Variants in PRAME observed in about 807,000 individuals in gnomAD.
PRAME encodes melanoma antigen preferentially expressed in tumors.
PRAME carries 21 observed loss-of-function variants against 32.1 expected under a neutral mutation model. The observed-to-expected ratio is 0.65, with a 90% CI of 0.46 to 0.94. The LOEUF is 0.94. Among genes scored for constraint, PRAME ranks in the 40% least tolerant of loss-of-function variants. The pLI, the probability that PRAME is intolerant of heterozygous loss-of-function variation, is 0.00. For missense variants in PRAME, 651 were observed against 622.3 expected, an observed-to-expected ratio of 1.05 and a Z score of -0.49; for synonymous variants, 274 against 251.5, an observed-to-expected ratio of 1.09 and a Z score of -0.85.
rs577790268 is a variant in PRAME, at chr22:22,547,981, T to C, written c.*86A>G. 7.3e-7 allele frequency: 1 copy of C among 1,362,732 alleles called. No individual in the cohort carries two copies. The highest frequency in any genetic ancestry group is 2.2e-5 in the Admixed American group (1 of 45,612). The allele number at this position is 1,362,732 out of a possible 1,614,324, so 84.4% of individuals were successfully genotyped here. On this transcript the variant is annotated 3_prime_UTR_variant, in exon 6 of 6. Transcript: ENST00000405655. The stretch of plus-strand genomic sequence containing the variant: ...CACACTGAACATTTGTCTGAAACTG[T>C]GGCTGCTTTGTTGCTTCAAGATGCA...
chr22:22,554,209 G>A (rs963440460), intron 3 of PRAME: 19 of 985,050 alleles, frequency 1.9e-5, no homozygotes, highest in Non-Finnish European at 8.4e-6. Flanking sequence ...TCCACCCAAA[G>A]AATTCTCCAG....
Position 22,547,755 on chromosome 22 carries a change from G to T in PRAME, c.*312C>A. The T allele has an allele frequency of 2.5e-6, 1 of 406,382 alleles. No homozygotes were observed. The highest frequency in any genetic ancestry group is 4.4e-6 in the Non-Finnish European group (1 of 227,916). The allele number at this position is 406,382 out of a possible 1,614,324, so 25.2% of individuals were successfully genotyped here. ...CAGTTTCTTTACAACAGTCTACACA[G>T]GGATTAACTCCTACATGTACTTCCC... On this transcript the variant is annotated 3_prime_UTR_variant, in exon 6 of 6. Transcript: ENST00000405655.
Position 22,550,861 on chromosome 22 carries a change from C to T in PRAME, c.250G>A (p.Gly84Arg), listed in dbSNP as rs770614739. Residue 84 changes from glycine (G) to arginine (R), a missense_variant, in exon 4 of 6, where the codon GGA (glycine) becomes AGA (arginine). By Grantham distance (125) the Gly-to-Arg change is moderately radical (BLOSUM62 -2). Transcript: ENST00000405655. ...QAWPFTCLPL[G>R]VLMKGQHLHL... is the part of the protein sequence containing the mutation. ...AGATGTTGTCCCTTCATCAGCACTC[C>T]CAGAGGGAGGCAGGTGAAGGGCCAG... The T allele has an allele frequency of 6.2e-7, 1 of 1,613,638 alleles. No individual in the cohort carries two copies. Among genetic ancestry groups the T allele is most frequent in the African/African-American group, 1.3e-5 (1 of 74,876 alleles).
chr22:22,549,755 G>A lies in PRAME; in HGVS notation c.924C>T (p.Phe308=), dbSNP rs1355654431. ...GCAACTGATCCAGGCGGCCTCTAAG[G>A]AAAAATAAAGAGTCCACATAGAGAG... is the stretch of plus-strand genomic sequence containing the variant. ...LQALYVDSLF[F]LRGRLDQLLR... The change falls in exon 5 of 6, where the codon TTC becomes TTT. Residue 308 remains phenylalanine (F), a synonymous_variant. Coordinates refer to ENST00000405655, the MANE Select transcript of PRAME (RefSeq NM_206956.3). The A allele has an allele frequency of 3.1e-6, 5 of 1,608,226 alleles. No homozygotes were observed. Among genetic ancestry groups the A allele is most frequent in the Non-Finnish European group, 4.2e-6 (5 of 1,178,214 alleles).
At chr22:22,549,409 C>G (rs552142237) in intron 5 of PRAME, among the ~76,000 whole-genome samples, 1 of 151,976 alleles carries the variant, frequency 6.6e-6, no homozygotes, top group African/African-American at 2.4e-5. Flanking sequence ...TCCTTGCTTA[C>G]TTTTGATCAT....
At position 22,550,069 on chromosome 22, in the gene PRAME, T is replaced by A. The variant is rs573357673; in HGVS notation, c.610A>T (p.Asn204Tyr). ...TTCTTACAGCACAGGCGTAGTACAT[T>A]TTTCTTTCGCTTCACTTTCTCAATG... Reference protein sequence around the residue: ...YLIEKVKRKKNVLRLCCKKLK... With the variant: ...YLIEKVKRKKYVLRLCCKKLK... The change falls in exon 5 of 6, where the codon AAT becomes TAT. Residue 204 changes from asparagine to tyrosine, a missense_variant. Coordinates refer to ENST00000405655, the MANE Select transcript of PRAME (RefSeq NM_206956.3). 1 of 1,613,884 alleles carries A rather than the reference T, an allele frequency of 6.2e-7. No individual in the cohort carries two copies. The highest frequency in any genetic ancestry group is 1.7e-5 in the Admixed American group (1 of 59,992).
chr22:22,555,402 A>G (rs1396616090), intron 3 of PRAME, among the ~76,000 whole-genome samples: 4 of 151,716 alleles, frequency 2.6e-5, no homozygotes, highest in African/African-American at 4.8e-5. Context: ...ACACACGGCT[A>G]TATTTTTGTA....
chr22:22,554,017 G>A, intron 3 of PRAME: 7 of 985,116 alleles, frequency 7.1e-6, no homozygotes, highest in African/African-American at 3.5e-5. Context: ...TCTGGTCAGC[G>A]AGATGCAATC....
At chr22:22,556,781 G>A in intron 3 of PRAME, 31 bp downstream of exon 3, 1 of 1,612,374 alleles carries the variant, frequency 6.2e-7, no homozygotes, top group Non-Finnish European at 8.5e-7. Flanking sequence ...GCTTCTCTGA[G>A]CACCTCAGAC....
At chr22:22,548,714 T>A in intron 5 of PRAME, 71 bp from the exon 6 acceptor site, 1 of 1,378,120 alleles carries the variant, frequency 7.3e-7, no homozygotes, top group East Asian at 2.3e-5. Context: ...GAGAGGCCCA[T>A]TTCACCAAAA....
chr22:22,551,013 C>T lies in PRAME; in HGVS notation c.98G>A (p.Ser33Asn), dbSNP rs534231083. The change falls in exon 4 of 6, where the codon AGC (serine) becomes AAC (asparagine). Residue 33 changes from serine (S) to asparagine (N), a missense_variant. By Grantham distance (46) the Ser-to-Asn change is conservative. Transcript: ENST00000405655. The stretch of plus-strand genomic sequence containing the variant: ...GGCCAGGGCCTCATCCTTCAGCAGG[C>T]TCTGCCCTGCCAGCTCCACAAGTCT... ...PRRLVELAGQ[S>N]LLKDEALAIA... The T allele has an allele frequency of 6.2e-6, 10 of 1,612,380 alleles. No homozygotes were observed. The African/African-American group carries it at 1.2e-4, about 19-fold the overall frequency.
At chr22:22,556,572 A>T (rs371889268) in intron 3 of PRAME, among the ~76,000 whole-genome samples, 4 of 151,722 alleles carry the variant, frequency 2.6e-5, no homozygotes, top group African/African-American at 9.7e-5. Context: ...CAGCCTCCCA[A>T]AGTGCTGGGA....
At chr22:22,555,315 C>T (rs944493049) in intron 3 of PRAME, among the ~76,000 whole-genome samples, 8 of 151,972 alleles carry the variant, frequency 5.3e-5, no homozygotes, top group South Asian at 4.2e-4. Flanking sequence ...TGGCTCACTG[C>T]AACCTCTGCC....
intron 4 of PRAME, 152 bp downstream of exon 4, chr22:22,550,615 A>G: frequency 1.1e-6 from 1 of 922,880 alleles, no homozygotes; most frequent in Non-Finnish European, 1.6e-6. Flanking sequence ...TCCAAGAGTG[A>G]CCCCTGCAGT....
chr22:22,553,694 T>C, intron 3 of PRAME: 3 of 695,404 alleles, frequency 4.3e-6, no homozygotes, highest in Non-Finnish European at 5.3e-6. Flanking sequence ...GAGAGTAATA[T>C]TGGTGACCAA....
At chr22:22,553,998 TAC>T in intron 3 of PRAME, 1 of 985,212 alleles carries the variant, frequency 1.0e-6, no homozygotes, top group South Asian at 4.7e-5. Flanking sequence ...GCTGCTCAGG[TAC>T]AGAGATTCTG....
At position 22,549,805 on chromosome 22, in the gene PRAME, A is replaced by G; in HGVS notation, c.874T>C (p.Phe292Leu). 1 of 1,613,820 alleles carries G rather than the reference A, an allele frequency of 6.2e-7. No individual in the cohort carries two copies. Among genetic ancestry groups the G allele is most frequent in the Non-Finnish European group, 8.5e-7 (1 of 1,179,930 alleles). The change falls in exon 5 of 6, where the codon TTC (phenylalanine) becomes CTC (leucine). Residue 292 changes from phenylalanine (F) to leucine (L), a missense_variant. Phe to Leu is a conservative substitution (Grantham distance 22, BLOSUM62 0). Coordinates refer to ENST00000405655, the MANE Select transcript of PRAME (RefSeq NM_206956.3). ...EQYIAQFTSQ[F>L]LSLQCLQALY... ...GCCTGCAGGCACTGCAGACTGAGGAACTGAGAGGTGAACTGGGCGATATAC... is the reference window on the plus strand; with the variant it reads ...GCCTGCAGGCACTGCAGACTGAGGAGCTGAGAGGTGAACTGGGCGATATAC...
At chr22:22,550,467 G>A (rs2146970203) in intron 4 of PRAME, 133 bp from the exon 5 acceptor site, 1 of 1,238,116 alleles carries the variant, frequency 8.1e-7, no homozygotes, top group Non-Finnish European at 1.1e-6. Flanking sequence ...TCGTACTTCA[G>A]GCATCAGCTG....
intron 3 of PRAME, chr22:22,555,726 CAA>C: frequency 2.5e-6 from 1 of 395,020 alleles, no homozygotes; most frequent in South Asian, 1.9e-5. Context: ...AGTTCCAGCA[CAA>C]GTCTCCCGGC....
Sources: allele counts gnomAD v4.1 joint callset (sites outside exome capture counted in the v4.1 genomes callset), GRCh38; gene constraint gnomAD v4.1.1; transcripts MANE v1.5; gene names NCBI Gene and HGNC (gene_info 2026-07-23, HGNC 2026-07-21).